Variants in MAGI2 observed in about 807,000 individuals in gnomAD.
MAGI2 encodes the protein membrane associated guanylate kinase, WW and PDZ domain containing 2, also known as membrane-associated guanylate kinase, WW and PDZ domain-containing protein 2.
In MAGI2, 35 loss-of-function variants were observed where a neutral mutation model predicts 133.3. That is an observed-to-expected ratio of 0.26 (90% CI 0.20 to 0.35). MAGI2 has a LOEUF of 0.35. MAGI2 is among the 10% of genes least tolerant of loss of function. The pLI is 1.00. For synonymous variants in MAGI2, 729 were observed against 710.6 expected, an observed-to-expected ratio of 1.03 and a Z score of -0.41; for missense variants, 1,636 against 1,863.4, an observed-to-expected ratio of 0.88 and a Z score of 2.25.
At chr7:78,637,996 C>T (rs923266816) in intron 2 of MAGI2, among the ~76,000 whole-genome samples, 2 of 151,648 alleles carry the variant, frequency 1.3e-5, no homozygotes, top group Middle Eastern at 3.4e-3. Flanking sequence ...CCCAAGAGGT[C>T]AAGGCTGCAG....
At chr7:78,152,865 T>A (rs1178845121) in intron 16 of MAGI2, among the ~76,000 whole-genome samples, 4 of 152,212 alleles carry the variant, frequency 2.6e-5, no homozygotes, top group Non-Finnish European at 4.4e-5. Context: ...AAGCCCACAG[T>A]AAAAGCATTT....
At chr7:79,203,522 C>A (rs1828787610) in intron 1 of MAGI2, among the ~76,000 whole-genome samples, 1 of 151,944 alleles carries the variant, frequency 6.6e-6, no homozygotes, top group African/African-American at 2.4e-5. Context: ...AAGAAAAAAA[C>A]TCCTTGCAAT....
chr7:78,041,172 G>A (rs979237652), intron 21 of MAGI2, among the ~76,000 whole-genome samples: 1 of 152,144 alleles, frequency 6.6e-6, no homozygotes, highest in Non-Finnish European at 1.5e-5. Flanking sequence ...GCGATGGAAG[G>A]CTCCTTCAGC....
intron 6 of MAGI2, among the ~76,000 whole-genome samples, chr7:78,442,770 T>C (rs1379364550): frequency 6.6e-6 from 1 of 152,202 alleles, no homozygotes; most frequent in Non-Finnish European, 1.5e-5. Context: ...ATGGGGGCTA[T>C]TTAGCATAAC....
At chr7:79,181,534 T>G (rs1826622573) in intron 1 of MAGI2, among the ~76,000 whole-genome samples, 1 of 151,818 alleles carries the variant, frequency 6.6e-6, no homozygotes, top group Admixed American at 6.6e-5. Flanking sequence ...CCCACAAAAC[T>G]ATTTTTTCCC....
intron 1 of MAGI2, among the ~76,000 whole-genome samples, chr7:79,056,366 A>G (rs868498248): frequency 4.1e-4 from 63 of 152,222 alleles, no homozygotes; most frequent in African/African-American, 1.4e-3. Flanking sequence ...AAAGAAAAAA[A>G]ATCACGTATA....
intron 1 of MAGI2, among the ~76,000 whole-genome samples, chr7:79,157,806 G>A (rs1297475745): frequency 7.1e-6 from 1 of 141,540 alleles, no homozygotes; most frequent in East Asian, 2.0e-4. Flanking sequence ...CAAATCTACT[G>A]TTGCTTTTCT....
chr7:78,378,474 T>C (rs113455261), intron 6 of MAGI2, among the ~76,000 whole-genome samples: 3 of 152,096 alleles, frequency 2.0e-5, no homozygotes, highest in African/African-American at 7.2e-5. Context: ...CTTTAAAAGG[T>C]AGAGAAAACA....
intron 1 of MAGI2, among the ~76,000 whole-genome samples, chr7:79,080,688 C>T (rs757483761): frequency 5.3e-5 from 8 of 151,956 alleles, no homozygotes; most frequent in East Asian, 1.9e-4. Flanking sequence ...TAGTGCAAAA[C>T]GTCGCTATTA....
chr7:79,094,825 G>A (rs1375654423), intron 1 of MAGI2, among the ~76,000 whole-genome samples: 1 of 152,168 alleles, frequency 6.6e-6, no homozygotes, highest in African/African-American at 2.4e-5. Flanking sequence ...CAAATATTCA[G>A]TACCCATGTT....
At chr7:78,849,044 CTT>C (rs1792891044) in intron 2 of MAGI2, among the ~76,000 whole-genome samples, 1 of 152,000 alleles carries the variant, frequency 6.6e-6, no homozygotes, top group Non-Finnish European at 1.5e-5. Context: ...TAAAACATTG[CTT>C]TTTATGCAAA....
At chr7:78,668,834 C>T (rs369805005) in intron 2 of MAGI2, among the ~76,000 whole-genome samples, 49 of 125,594 alleles carry the variant, frequency 3.9e-4, no homozygotes, top group African/African-American at 1.3e-3. Context: ...GGGTACATAA[C>T]GAAATGAAGG....
At chr7:78,873,654 T>C (rs1201261788) in intron 2 of MAGI2, among the ~76,000 whole-genome samples, 2 of 152,162 alleles carry the variant, frequency 1.3e-5, no homozygotes. Context: ...AAATAAAGTG[T>C]ACAATAAATG....
chr7:78,099,917 C>A (rs1818053551), intron 20 of MAGI2, among the ~76,000 whole-genome samples: 1 of 152,102 alleles, frequency 6.6e-6, no homozygotes, highest in South Asian at 2.1e-4. Flanking sequence ...GGAATTCCCA[C>A]AAAGGAGTGG....
At chr7:78,688,951 A>G (rs894737948) in intron 2 of MAGI2, among the ~76,000 whole-genome samples, 1 of 152,218 alleles carries the variant, frequency 6.6e-6, no homozygotes, top group East Asian at 1.9e-4. Flanking sequence ...AAAATATAGT[A>G]GTCCAGGAAA....
intron 9 of MAGI2, among the ~76,000 whole-genome samples, chr7:78,302,699 G>A (rs1268471123): frequency 6.6e-6 from 1 of 152,090 alleles, no homozygotes; most frequent in Non-Finnish European, 1.5e-5. Context: ...AAGGCAAAAG[G>A]CCCTTTAAGG....
chr7:79,281,874 T>A (rs962736833), intron 1 of MAGI2, among the ~76,000 whole-genome samples: 1 of 152,200 alleles, frequency 6.6e-6, no homozygotes, highest in East Asian at 1.9e-4. Context: ...AAAGAATATT[T>A]AAAAATTAAT....
chr7:78,596,463 G>A (rs1804622960), intron 3 of MAGI2, among the ~76,000 whole-genome samples: 1 of 152,188 alleles, frequency 6.6e-6, no homozygotes, highest in Non-Finnish European at 1.5e-5. Context: ...CGTGGTGAGT[G>A]CTTTCAAGGA....
At chr7:78,162,296 C>T (rs1416448718) in intron 15 of MAGI2, among the ~76,000 whole-genome samples, 4 of 149,938 alleles carry the variant, frequency 2.7e-5, no homozygotes, top group South Asian at 2.1e-4. Flanking sequence ...GAGGCTGAGG[C>T]GGGCGGATCA....
Sources: gnomAD v4.1 joint callset for allele counts (sites outside exome capture counted in the v4.1 genomes callset) on GRCh38, gnomAD v4.1.1 for gene constraint, MANE v1.5 for transcripts, NCBI Gene and HGNC (gene_info 2026-07-23, HGNC 2026-07-21) for gene names.